Variants in AOPEP observed in about 807,000 individuals in gnomAD.
AOPEP encodes the protein aminopeptidase O (putative), also known as aminopeptidase O.
A neutral mutation model predicts 98.1 loss-of-function variants in AOPEP; 77 were observed. The ratio of observed to expected loss-of-function variants is 0.78; its 90% confidence interval spans 0.65 to 0.95. The LOEUF is 0.95. Ranked by LOEUF, AOPEP falls within the 40% of genes least tolerant of loss-of-function variation. The pLI is 0.00. For missense variants in AOPEP, 1,024 were observed against 1,024.7 expected (o/e 1.00, Z 0.01); for synonymous variants, 346 against 365.3 (o/e 0.95, Z 0.60).
chr9:95,013,851 C>T (rs1053575560), intron 13 of AOPEP, among the ~76,000 whole-genome samples: 1 of 152,172 alleles, frequency 6.6e-6, no homozygotes, highest in African/African-American at 2.4e-5. Context: ...TCATTTCTTT[C>T]CCTTGGGGAG....
chr9:94,965,247 C>T (rs1166770748), intron 9 of AOPEP, among the ~76,000 whole-genome samples: 1 of 152,180 alleles, frequency 6.6e-6, no homozygotes, highest in Non-Finnish European at 1.5e-5. Flanking sequence ...GGTTGTCCCC[C>T]CGCTCCCATT....
intron 13 of AOPEP, chr9:95,019,549 G>C (rs1200947831): frequency 6.6e-6 from 1 of 152,124 alleles, no homozygotes; most frequent in African/African-American, 2.4e-5. Context: ...TCACATTGAA[G>C]TTTTCTGTCT....
intron 2 of AOPEP, among the ~76,000 whole-genome samples, chr9:94,764,633 G>A (rs771276493): frequency 6.6e-6 from 1 of 152,164 alleles, no homozygotes; most frequent in East Asian, 1.9e-4. Flanking sequence ...GGGTGATAGA[G>A]CGTGACTGTG....
chr9:94,730,427 A>G (rs1830270074), intron 1 of AOPEP, among the ~76,000 whole-genome samples: 1 of 152,212 alleles, frequency 6.6e-6, no homozygotes, highest in Admixed American at 6.5e-5. Flanking sequence ...GTTTCCTAAC[A>G]GCAGTGATTA....
At chr9:95,045,672 A>G (rs181486998) in intron 13 of AOPEP, among the ~76,000 whole-genome samples, 1 of 152,272 alleles carries the variant, frequency 6.6e-6, no homozygotes, top group Admixed American at 6.5e-5. Flanking sequence ...CCTAAGGGCC[A>G]GGTGTTTTCT....
At chr9:94,866,159 A>C (rs902666220) in intron 5 of AOPEP, among the ~76,000 whole-genome samples, 1 of 152,254 alleles carries the variant, frequency 6.6e-6, no homozygotes, top group Non-Finnish European at 1.5e-5. Flanking sequence ...GGCCGAGCAC[A>C]CAAAGAGCCA....
intron 11 of AOPEP, among the ~76,000 whole-genome samples, chr9:94,985,334 A>T (rs774667615): frequency 6.6e-6 from 1 of 152,260 alleles, no homozygotes; most frequent in Non-Finnish European, 1.5e-5. Context: ...GCATGAGCAC[A>T]TGATAGAAAA....
At chr9:95,044,350 A>C (rs1434013378) in intron 13 of AOPEP, among the ~76,000 whole-genome samples, 1 of 151,778 alleles carries the variant, frequency 6.6e-6, no homozygotes, top group Non-Finnish European at 1.5e-5. Flanking sequence ...AGAAGGTTAC[A>C]TTAATTCAAA....
intron 14 of AOPEP, among the ~76,000 whole-genome samples, chr9:95,079,440 A>G (rs1330952125): frequency 3.9e-5 from 6 of 152,258 alleles, no homozygotes; most frequent in Admixed American, 2.0e-4. Context: ...TCTAAAATGC[A>G]CATAATCACT....
chr9:94,770,591 C>T (rs566205630), intron 2 of AOPEP, among the ~76,000 whole-genome samples: 2 of 152,268 alleles, frequency 1.3e-5, no homozygotes, highest in South Asian at 2.1e-4. Flanking sequence ...GTGGGTGCCT[C>T]CCTAGGCTGC....
chr9:95,086,431 G>A (rs1045099713), intron 16 of AOPEP: 6 of 985,286 alleles, frequency 6.1e-6, no homozygotes. Flanking sequence ...TCTGAAATGG[G>A]TACTCCTAGC....
intron 13 of AOPEP, among the ~76,000 whole-genome samples, chr9:95,034,714 A>G (rs895450563): frequency 3.9e-5 from 6 of 152,230 alleles, no homozygotes; most frequent in Admixed American, 2.6e-4. Flanking sequence ...GGTTGGATCA[A>G]GTTTGCTCTT....
chr9:94,824,905 G>A (rs575682556), intron 5 of AOPEP: 2 of 129,578 alleles, frequency 1.5e-5, no homozygotes, highest in Admixed American at 1.7e-4. Context: ...TTTGACAACA[G>A]CATTTTCCTG....
chr9:94,773,976 C>T (rs1184490751), intron 3 of AOPEP, among the ~76,000 whole-genome samples: 2 of 152,122 alleles, frequency 1.3e-5, no homozygotes, highest in Non-Finnish European at 2.9e-5. Flanking sequence ...CCATGTTGCC[C>T]AGGCTGGTCT....
At chr9:95,008,789 G>A (rs907254783) in intron 13 of AOPEP, among the ~76,000 whole-genome samples, 3 of 152,122 alleles carry the variant, frequency 2.0e-5, no homozygotes, top group African/African-American at 4.8e-5. Context: ...TCTCTCTGAA[G>A]ATGCATCATT....
In AOPEP at chr9:94,760,413, C is replaced by T. The variant is rs751389139; in HGVS notation, c.630C>T (p.Ser210=). ...REQLDYYARC[S]QAPGCGELLF... is the part of the protein sequence containing the mutation. ...AGTTAGACTATTACGCTCGCTGCAGCCAGGCTCCTGGCTGTGGGGAACTCC... is the reference window on the plus strand; with the variant it reads ...AGTTAGACTATTACGCTCGCTGCAGTCAGGCTCCTGGCTGTGGGGAACTCC... Residue 210 remains serine (S), a synonymous_variant, in exon 2 of 17, where the codon AGC becomes AGT. Transcript: ENST00000375315. The T allele has an allele frequency of 6.2e-7, 1 of 1,613,982 alleles. No homozygotes were observed. Among genetic ancestry groups the T allele is most frequent in the East Asian group, 2.2e-5 (1 of 44,882 alleles).
intron 5 of AOPEP, among the ~76,000 whole-genome samples, chr9:94,809,348 G>A (rs1421138380): frequency 6.6e-6 from 1 of 152,196 alleles, no homozygotes; most frequent in Non-Finnish European, 1.5e-5. Context: ...ACAGAGACAG[G>A]ATAAGCAGTA....
At chr9:94,882,286 G>A (rs1438104445) in intron 5 of AOPEP, among the ~76,000 whole-genome samples, 2 of 152,184 alleles carry the variant, frequency 1.3e-5, no homozygotes, top group South Asian at 2.1e-4. Flanking sequence ...GTCCTCTTTC[G>A]TCATGTTCTT....
chr9:95,006,446 C>T (rs1193404469), intron 13 of AOPEP, among the ~76,000 whole-genome samples: 1 of 152,152 alleles, frequency 6.6e-6, no homozygotes, highest in Non-Finnish European at 1.5e-5. Flanking sequence ...GATAGCATTG[C>T]TGCCAATTTC....
Sources: gnomAD v4.1 joint callset for allele counts (sites outside exome capture counted in the v4.1 genomes callset) on GRCh38, gnomAD v4.1.1 for gene constraint, MANE v1.5 for transcripts, NCBI Gene and HGNC (gene_info 2026-07-23, HGNC 2026-07-21) for gene names.